The following EPHB4 variants were observed in gnomAD, a reference collection of about 807,000 sequenced individuals.
EPHB4 encodes the protein ephrin type-B receptor 4.
EPHB4 carries 50 observed loss-of-function variants against 110.6 expected under a neutral mutation model. The observed-to-expected ratio is 0.45, with a 90% CI of 0.36 to 0.57. The LOEUF (loss-of-function observed/expected upper bound fraction) is 0.57. Among genes scored for constraint, EPHB4 ranks in the 20% least tolerant of loss-of-function variants. The pLI is 0.00. For synonymous variants in EPHB4, 592 were observed against 578.4 expected (o/e 1.02, Z -0.34); for missense variants, 1,128 against 1,382.1 (o/e 0.82, Z 2.91).
chr7:100,823,931 A>G lies in EPHB4; in HGVS notation c.124T>C (p.Trp42Arg). 1.3e-6 allele frequency: 2 copies of G among 1,580,438 alleles called. No individual in the cohort carries two copies. Among genetic ancestry groups the G allele is most frequent in the East Asian group, 2.3e-5 (1 of 43,128 alleles). ...TCATCCAGGCCGCTCAGTTCCTCCC[A>G]CTGTGCAGAGAAGGAGGTCAGCAAG... ...WVTFPQVDGQ[W>R]EELSGLDEEQ... Residue 42 changes from tryptophan (W) to arginine (R), a missense_variant and splice_region_variant, in exon 3 of 17, where the codon TGG (tryptophan) becomes CGG (arginine). By Grantham distance (101) the Trp-to-Arg change is moderately radical. Coordinates refer to ENST00000358173, the MANE Select transcript of EPHB4 (RefSeq NM_004444.5).
In EPHB4 at chr7:100,803,334, G is replaced by T; in HGVS notation, c.*127C>A. Reference sequence around the variant, plus strand: ...CCCCCAAATCCTGTCTCTCCAAATTGCCAACTCCTCACCCCACGGGCTCAA... The same window carrying T: ...CCCCCAAATCCTGTCTCTCCAAATTTCCAACTCCTCACCCCACGGGCTCAA... On this transcript the variant is annotated 3_prime_UTR_variant, in exon 17 of 17. Coordinates refer to ENST00000358173, the MANE Select transcript of EPHB4 (RefSeq NM_004444.5). The T allele has an allele frequency of 8.5e-7, 1 of 1,172,184 alleles. No homozygotes were observed. The highest frequency in any genetic ancestry group is 1.1e-6 in the Non-Finnish European group (1 of 893,436). The allele number at this position is 1,172,184 out of a possible 1,614,324, so 72.6% of individuals were successfully genotyped here. A position where few individuals can be genotyped will look rare whatever the true frequency, so the allele number is the denominator to read the frequency against.
intron 3 of EPHB4, among the ~76,000 whole-genome samples, chr7:100,823,371 T>C (rs1472406235): frequency 6.6e-6 from 1 of 152,120 alleles, no homozygotes. Flanking sequence ...AAACTCAGTG[T>C]GGCTGGAGCA....
At position 100,813,672 on chromosome 7, in the gene EPHB4, C is replaced by A. The variant is rs563114834; in HGVS notation, c.1736G>T (p.Gly579Val). 11 of 1,614,004 alleles carry A rather than the reference C, an allele frequency of 6.8e-6. No individual in the cohort carries two copies. Among genetic ancestry groups the A allele is most frequent in the Non-Finnish European group, 7.6e-6 (9 of 1,180,046 alleles). Reference sequence around the variant, plus strand: ...CCCACCATGTCCGATGAGATACTGTCCGTGTTTGTCCGAATATTCTGCTTC... The same window carrying A: ...CCCACCATGTCCGATGAGATACTGTACGTGTTTGTCCGAATATTCTGCTTC... ...GREAEYSDKH[G>V]QYLIGHGTKV... Residue 579 changes from glycine to valine, a missense_variant, in exon 10 of 17, where the codon GGA (glycine) becomes GTA (valine). By Grantham distance (109) the Gly-to-Val change is moderately radical. Around this residue, in one of 3 missense-constraint regions of EPHB4, gnomAD observed 728 missense variants for 828.6 expected, o/e 0.88. Transcript: ENST00000358173.
At chr7:100,807,329 T>TA in intron 13 of EPHB4, 36 bp downstream of exon 13, 1 of 1,605,994 alleles carries the variant, frequency 6.2e-7, no homozygotes, top group Non-Finnish European at 8.5e-7. Context: ...CACCTGGCCC[T>TA]AAGAAGCTCA....
Position 100,823,750 on chromosome 7 carries a change from C to T in EPHB4, c.305G>A (p.Arg102Gln), listed in dbSNP as rs776550311. 4.5e-5 allele frequency: 72 copies of T among 1,613,468 alleles called. No individual in the cohort carries two copies. Among genetic ancestry groups the T allele is most frequent in the Middle Eastern group, 1.6e-4 (1 of 6,084 alleles). The change falls in exon 3 of 17, where the codon CGG becomes CAG. Residue 102 changes from arginine to glutamine, a missense_variant. Physicochemically the swap from Arg to Gln is conservative, Grantham distance 43. This residue lies in a region of EPHB4 where 728 missense variants were observed against 828.6 expected (regional missense o/e 0.88). Coordinates refer to ENST00000358173, the MANE Select transcript of EPHB4 (RefSeq NM_004444.5). ...FTMLECLSLP[R>Q]AGRSCKETFT... Reference sequence around the variant, plus strand: ...GGTCTCCTTGCAGGAGCGCCCAGCCCGAGGCAGGGACAGGCACTCGAGCAT... The same window carrying T: ...GGTCTCCTTGCAGGAGCGCCCAGCCTGAGGCAGGGACAGGCACTCGAGCAT...
At chr7:100,826,609 C>T (rs79654623) in intron 1 of EPHB4, among the ~76,000 whole-genome samples, 2,477 of 152,116 alleles carry the variant, frequency 0.016, 58 homozygotes, top group African/African-American at 0.057. Context: ...AGAAACCTTC[C>T]CTCATGTACG....
chr7:100,817,184 A>C lies in EPHB4; in HGVS notation c.1588+8T>G. 1 of 1,516,750 alleles carries C rather than the reference A, an allele frequency of 6.6e-7. No individual in the cohort carries two copies. Among genetic ancestry groups the C allele is most frequent in the South Asian group, 1.3e-5 (1 of 77,956 alleles). 94.0% of individuals were successfully genotyped at this position (1,516,750 alleles called of 1,614,324 possible). Reference sequence around the variant, plus strand: ...AACCCCCACCCTCACCCCCTTCCCCAGGCTCACCATCCAGTTGGGTCTGGC... The same window carrying C: ...AACCCCCACCCTCACCCCCTTCCCCCGGCTCACCATCCAGTTGGGTCTGGC... On this transcript the variant is annotated splice_region_variant and intron_variant, in intron 8 of 16. Coordinates refer to ENST00000358173, the MANE Select transcript of EPHB4 (RefSeq NM_004444.5).
Position 100,803,494 on chromosome 7 carries a change from CG to C in EPHB4, c.2930del (p.Pro977ArgfsTer51), listed in dbSNP as rs765896379. ...HMKSQAKPGT[P>X]GGTGGPAPQY is the part of the protein sequence containing the mutation. ...GCGGGGCCGGTCCTCCTGTCCCACC[CG>C]GGGTTCCCGGCTTGGCCTGGGACTT... is the stretch of plus-strand genomic sequence containing the variant. On this transcript the variant is annotated frameshift_variant, in exon 17 of 17. Transcript: ENST00000358173. LOFTEE classifies it high-confidence loss of function. 1.9e-6 allele frequency: 3 copies of C among 1,584,112 alleles called. 1 individual carries two copies. The Middle Eastern group carries it at 5.0e-4, about 263-fold the overall frequency.
In EPHB4 at chr7:100,812,968, GC is replaced by G; in HGVS notation, c.1896del (p.Arg633GlyfsTer17). The G allele has an allele frequency of 6.2e-7, 1 of 1,613,704 alleles. No homozygotes were observed. On this transcript the variant is annotated frameshift_variant, in exon 12 of 17. Coordinates refer to ENST00000358173, the MANE Select transcript of EPHB4 (RefSeq NM_004444.5). LOFTEE classifies it high-confidence loss of function. ...TCCTTCTTCCCTGGGGCCTTGAGCC[GC>G]CCCCGGCACACCTCGCCAAACTCAC... ...GAGEFGEVCR[G>X]RLKAPGKKES...
At chr7:100,825,735 G>T (rs1813369592) in intron 1 of EPHB4, among the ~76,000 whole-genome samples, 1 of 152,232 alleles carries the variant, frequency 6.6e-6, no homozygotes. Flanking sequence ...CTGGATGGGT[G>T]AAATTAATAT....
chr7:100,819,903 G>A lies in EPHB4; in HGVS notation c.965-14C>T, dbSNP rs765915723. ...CCGAAGGAGGGGCTGCAGGAGACCAGGGAGTCAGGCAGAGGCCGACCTGCT... is the reference window on the plus strand; with the variant it reads ...CCGAAGGAGGGGCTGCAGGAGACCAAGGAGTCAGGCAGAGGCCGACCTGCT... On this transcript the variant is annotated splice_polypyrimidine_tract_variant and intron_variant, in intron 5 of 16. Coordinates refer to ENST00000358173, the MANE Select transcript of EPHB4 (RefSeq NM_004444.5). The A allele has an allele frequency of 1.3e-6, 2 of 1,538,270 alleles. No homozygotes were observed. Among genetic ancestry groups the A allele is most frequent in the Admixed American group, 2.0e-5 (1 of 50,566 alleles).
chr7:100,820,319 C>T (rs1324802120), intron 4 of EPHB4, 23 bp from the exon 5 acceptor site: 1 of 1,610,014 alleles, frequency 6.2e-7, no homozygotes, highest in Non-Finnish European at 8.5e-7. Context: ...AAGCATTCAT[C>T]AAAAGCATGC....
At chr7:100,817,019 G>A (rs1813088619) in intron 8 of EPHB4, among the ~76,000 whole-genome samples, 173 bp downstream of exon 8, 1 of 145,996 alleles carries the variant, frequency 6.8e-6, no homozygotes, top group South Asian at 2.2e-4. Context: ...GGAGGCGGAG[G>A]TTGCAGTGAG....
intron 16 of EPHB4, 32 bp from the exon 17 acceptor site, chr7:100,803,622 C>CTAG (rs1812749273): frequency 6.4e-7 from 1 of 1,564,522 alleles, no homozygotes; most frequent in Non-Finnish European, 8.7e-7. Flanking sequence ...TGGTGAGACC[C>CTAG]TAGGTTCCCT....
intron 3 of EPHB4, among the ~76,000 whole-genome samples, chr7:100,823,435 C>G (rs865816065): frequency 4.6e-5 from 7 of 152,148 alleles, no homozygotes; most frequent in African/African-American, 1.7e-4. Context: ...CCTTGGGCCT[C>G]CCTGGGGGCC....
Position 100,807,521 on chromosome 7 carries a change from C to T in EPHB4, c.2178G>A (p.Ser726=), listed in dbSNP as rs199591006. The part of the protein sequence containing the change: ...QLVGMLRGIA[S]GMRYLAEMSY... ...TCATCTCGGCAAGGTACCGCATGCC[C>T]GAGGCGATGCCCCGCAGCATGCCCA... The change falls in exon 13 of 17, where the codon TCG becomes TCA. Residue 726 remains serine (S), a synonymous_variant. Coordinates refer to ENST00000358173, the MANE Select transcript of EPHB4 (RefSeq NM_004444.5). 37 of 1,614,064 alleles carry T rather than the reference C, an allele frequency of 2.3e-5. No homozygotes were observed. The highest frequency in any genetic ancestry group is 1.6e-4 in the South Asian group (15 of 91,080).
intron 8 of EPHB4, among the ~76,000 whole-genome samples, chr7:100,816,107 G>A (rs903600875): frequency 1.3e-5 from 2 of 150,456 alleles, no homozygotes; most frequent in Non-Finnish European, 3.0e-5. Context: ...TGGAGCTTGC[G>A]GTGAGCTGAG....
At chr7:100,820,455 A>T in intron 4 of EPHB4, 159 bp from the exon 5 acceptor site, 2 of 579,656 alleles carry the variant, frequency 3.5e-6, no homozygotes, top group Non-Finnish European at 5.1e-6. Flanking sequence ...ACATATCGAG[A>T]TCCCATCTCC....
chr7:100,805,111 C>T, intron 16 of EPHB4, 55 bp downstream of exon 16: 1 of 1,574,974 alleles, frequency 6.3e-7, no homozygotes, highest in Non-Finnish European at 8.6e-7. Context: ...CCCCGTGGGC[C>T]TGACTCCAGC....
Sources: gnomAD v4.1 joint callset for allele counts (sites outside exome capture counted in the v4.1 genomes callset) on GRCh38, gnomAD v4.1.1 for gene constraint, gnomAD v4.1.1 regional missense constraint, MANE v1.5 for transcripts, NCBI Gene and HGNC (gene_info 2026-07-23, HGNC 2026-07-21) for gene names.